The following SUOX variants were observed in gnomAD, a reference collection of about 807,000 sequenced individuals.
SUOX encodes the protein sulfite oxidase, mitochondrial.
SUOX carries 39 observed loss-of-function variants against 41.9 expected under a neutral mutation model. The observed-to-expected ratio is 0.93, with a 90% CI of 0.72 to 1.21. The LOEUF is 1.21. SUOX is among the 50% of genes most tolerant of loss of function. The pLI is 0.00. For synonymous variants in SUOX, 220 were observed against 268.4 expected (o/e 0.82, Z 1.76); for missense variants, 633 against 689.5 (o/e 0.92, Z 0.92).
intron 2 of SUOX, among the ~76,000 whole-genome samples, chr12:55,998,269 G>T (rs1890378949): frequency 6.6e-6 from 1 of 152,034 alleles, no homozygotes; most frequent in South Asian, 2.1e-4. Flanking sequence ...GAGGCTGGGA[G>T]TGGTGGCTCA....
At chr12:56,002,360 G>A in intron 3 of SUOX, 89 bp downstream of exon 3, 1 of 1,529,156 alleles carries the variant, frequency 6.5e-7, no homozygotes, top group Non-Finnish European at 9.0e-7. Context: ...AAATAAGACA[G>A]TTGAGAGAGT....
rs532247378 is a variant in SUOX, at chr12:56,003,732, G to A, written c.343G>A (p.Val115Met). The change falls in exon 5 of 5, where the codon GTG (valine) becomes ATG (methionine). Residue 115 changes from valine (V) to methionine (M), a missense_variant. Transcript: ENST00000266971. The part of the protein sequence containing the change: ...GSEVFDVTEF[V>M]DLHPGGPSKL... ...TGAGGTCTTTGATGTCACAGAATTTGTGGACCTACATCCAGGGGGGCCTTC... is the reference window on the plus strand; with the variant it reads ...TGAGGTCTTTGATGTCACAGAATTTATGGACCTACATCCAGGGGGGCCTTC... 2 of 1,613,012 alleles carry A rather than the reference G, an allele frequency of 1.2e-6. No individual in the cohort carries two copies. Among genetic ancestry groups the A allele is most frequent in the South Asian group, 2.2e-5 (2 of 91,042 alleles).
chr12:56,001,036 C>T (rs1259970056), intron 2 of SUOX, among the ~76,000 whole-genome samples: 3 of 151,910 alleles, frequency 2.0e-5, no homozygotes, highest in African/African-American at 7.2e-5. Flanking sequence ...CTGCCCGTCT[C>T]AGCCTCCCAA....
intron 4 of SUOX, 26 bp downstream of exon 4, chr12:56,002,746 C>G (rs754217433): frequency 1.2e-6 from 2 of 1,613,320 alleles, no homozygotes; most frequent in Non-Finnish European, 1.7e-6. Context: ...GCTTCATTGT[C>G]AGAACAGACT....
At chr12:55,998,725 C>T (rs2136504440) in intron 2 of SUOX, among the ~76,000 whole-genome samples, 1 of 140,646 alleles carries the variant, frequency 7.1e-6, no homozygotes, top group South Asian at 2.3e-4. Context: ...GCTGGGGAGG[C>T]TAAGGCAGGA....
rs923961398 is a variant in SUOX at position 56,002,243 on chromosome 12, G to A, written c.22G>A (p.Val8Met). ...TACAATGCTGCTGCTGCACAGAGCT[G>A]TGGTCCTCAGGCTCCAACAGGCCTG... MLLLHRA[V>M]VLRLQQACRL... The change falls in exon 3 of 5, where the codon GTG (valine) becomes ATG (methionine). Residue 8 changes from valine to methionine, a missense_variant. Coordinates refer to ENST00000266971, the MANE Select transcript of SUOX (RefSeq NM_001032386.2). 1.2e-6 allele frequency: 2 copies of A among 1,612,678 alleles called. No homozygotes were observed. Among genetic ancestry groups the A allele is most frequent in the African/African-American group, 1.3e-5 (1 of 74,906 alleles).
chr12:56,003,588 CCTTTT>C, intron 4 of SUOX, 25 bp from the exon 5 acceptor site: 1 of 1,603,496 alleles, frequency 6.2e-7, no homozygotes, highest in Non-Finnish European at 8.5e-7. Flanking sequence ...TAGTCTCTTC[CCTTTT>C]ATCTTACTCC....
In SUOX at chr12:56,005,255, G is replaced by C. The variant is rs546585028; in HGVS notation, c.*228G>C. ...CAGGAAGTGTGAGCTGTTACAGCAA[G>C]GGGCTAGAAGTGAAAAAAGTAATTC... is the stretch of plus-strand genomic sequence containing the variant. On this transcript the variant is annotated 3_prime_UTR_variant, in exon 5 of 5. Coordinates refer to ENST00000266971, the MANE Select transcript of SUOX (RefSeq NM_001032386.2). The C allele has an allele frequency of 3.3e-6, 2 of 604,902 alleles. No homozygotes were observed. Among genetic ancestry groups the C allele is most frequent in the Non-Finnish European group, 5.9e-6 (2 of 341,046 alleles). The allele number at this position is 604,902 out of a possible 1,614,324, so 37.5% of individuals were successfully genotyped here. A position where few individuals can be genotyped will look rare whatever the true frequency, so the allele number is the denominator to read the frequency against.
chr12:55,998,710 C>T (rs1890401276), intron 2 of SUOX, among the ~76,000 whole-genome samples: 1 of 151,992 alleles, frequency 6.6e-6, no homozygotes, highest in Non-Finnish European at 1.5e-5. Context: ...CTTGTAGTCC[C>T]AGCTGCTGGG....
intron 1 of SUOX, 46 bp from the exon 2 acceptor site, chr12:55,997,569 T>C (rs1294002975): frequency 2.0e-5 from 3 of 152,080 alleles, no homozygotes; most frequent in African/African-American, 7.2e-5. Flanking sequence ...CCATGGGGAG[T>C]GAGGGGTCAT....
At chr12:56,000,248 G>A (rs1890464128) in intron 2 of SUOX, among the ~76,000 whole-genome samples, 1 of 152,224 alleles carries the variant, frequency 6.6e-6, no homozygotes, top group Non-Finnish European at 1.5e-5. Context: ...CGGCGAAGGG[G>A]GGCTCAGGCA....
Position 56,002,285 on chromosome 12 carries a change from T to C in SUOX, c.50+14T>C. 3 of 1,610,112 alleles carry C rather than the reference T, an allele frequency of 1.9e-6. No homozygotes were observed. The highest frequency in any genetic ancestry group is 2.5e-6 in the Non-Finnish European group (3 of 1,179,980). ...ACAGGCCTGCAGGTAGGCCAGCCCA[T>C]CCCAGGACTTGCCTCCTAGCCCCTA... On this transcript the variant is annotated intron_variant, in intron 3 of 4. Transcript: ENST00000266971.
chr12:56,003,512 CG>C, intron 4 of SUOX, 105 bp from the exon 5 acceptor site: 1 of 1,076,056 alleles, frequency 9.3e-7, no homozygotes, highest in Admixed American at 1.8e-5. Context: ...CCGCCCACCT[CG>C]GCCTCCCAAA....
chr12:55,998,777 G>T (rs1890403206), intron 2 of SUOX, among the ~76,000 whole-genome samples: 1 of 151,954 alleles, frequency 6.6e-6, no homozygotes, highest in Non-Finnish European at 1.5e-5. Context: ...AGTGAGCCAT[G>T]ATCGACACTT....
At position 56,004,959 on chromosome 12, in the gene SUOX, C is replaced by T; in HGVS notation, c.1570C>T (p.Pro524Ser). The T allele has an allele frequency of 6.2e-7, 1 of 1,614,148 alleles. No homozygotes were observed. The highest frequency in any genetic ancestry group is 2.2e-5 in the East Asian group (1 of 44,886). ...CAATGTGCAGCCAGACACCGTGGCC[C>T]CAATCTGGAACCTGCGAGGTGTTCT... ...GYNVQPDTVA[P>S]IWNLRGVLSN... The change falls in exon 5 of 5, where the codon CCA (proline) becomes TCA (serine). Residue 524 changes from proline to serine, a missense_variant. Physicochemically the swap from Pro to Ser is moderately conservative, Grantham distance 74. Transcript: ENST00000266971. The surrounding 1 kb of genome is among the most constrained non-coding windows in gnomAD (Gnocchi z 4.5).
intron 2 of SUOX, among the ~76,000 whole-genome samples, chr12:55,999,005 A>C (rs1297937832): frequency 1.3e-5 from 2 of 151,018 alleles, no homozygotes; most frequent in African/African-American, 4.9e-5. Flanking sequence ...CTAGAGACAC[A>C]GTCTCACTAT....
In SUOX at chr12:56,003,746, A is replaced by G. The variant is rs780718588; in HGVS notation, c.357A>G (p.Pro119=). Residue 119 remains proline, a synonymous_variant, in exon 5 of 5, where the codon CCA becomes CCG. Transcript: ENST00000266971. ...TCACAGAATTTGTGGACCTACATCC[A>G]GGGGGGCCTTCAAAGCTGATGCTAG... The part of the protein sequence containing the change: ...FDVTEFVDLH[P]GGPSKLMLAA... The G allele has an allele frequency of 2.5e-6, 4 of 1,613,242 alleles. No homozygotes were observed. The highest frequency in any genetic ancestry group is 3.4e-6 in the Non-Finnish European group (4 of 1,179,476).
intron 2 of SUOX, among the ~76,000 whole-genome samples, chr12:55,999,012 C>T (rs1890413002): frequency 6.6e-6 from 1 of 151,712 alleles, no homozygotes; most frequent in Non-Finnish European, 1.5e-5. Flanking sequence ...CACAGTCTCA[C>T]TATGTTGCCC....
rs144817821 is a variant in SUOX at position 56,004,855 on chromosome 12, G to A, written c.1466G>A (p.Arg489His). 1.6e-5 allele frequency: 26 copies of A among 1,614,198 alleles called. No individual in the cohort carries two copies. In the Admixed American group the frequency reaches 2.5e-4, roughly 16 times the overall value. The change falls in exon 5 of 5, where the codon CGT becomes CAT. Residue 489 changes from arginine (R) to histidine (H), a missense_variant. By Grantham distance (29) the Arg-to-His change is conservative (BLOSUM62 0). Coordinates refer to ENST00000266971, the MANE Select transcript of SUOX (RefSeq NM_001032386.2). The surrounding 1 kb of genome is among the most constrained non-coding windows in gnomAD (Gnocchi z 4.5). Reference protein sequence around the residue: ...EQRPRKAWAWRLWQLKAPVPA... With the variant: ...EQRPRKAWAWHLWQLKAPVPA... ...CGCCCCAGGAAGGCCTGGGCATGGC[G>A]TCTGTGGCAGTTGAAAGCCCCTGTG...
Sources: gnomAD v4.1 joint callset for allele counts (sites outside exome capture counted in the v4.1 genomes callset) on GRCh38, gnomAD v4.1.1 for gene constraint, Gnocchi (gnomAD v3.1) non-coding constraint, MANE v1.5 for transcripts, NCBI Gene and HGNC (gene_info 2026-07-23, HGNC 2026-07-21) for gene names.